Variants in ZFHX3 observed in about 807,000 individuals in gnomAD.
The protein encoded by ZFHX3 is zinc finger homeobox protein 3.
A neutral mutation model predicts 279.1 loss-of-function variants in ZFHX3; 42 were observed. The ratio of observed to expected loss-of-function variants is 0.15; its 90% confidence interval spans 0.12 to 0.19. The LOEUF is 0.19. Ranked by LOEUF, ZFHX3 falls within the 10% of genes least tolerant of loss-of-function variation. The pLI is 1.00. For missense variants in ZFHX3, 4,981 were observed against 4,754.0 expected, an observed-to-expected ratio of 1.05 and a Z score of -1.40; for synonymous variants, 2,293 against 1,957.8, an observed-to-expected ratio of 1.17 and a Z score of -4.52.
At chr16:73,495,943 T>G (rs1359831369) in intron 2 of ZFHX3, among the ~76,000 whole-genome samples, 1 of 152,262 alleles carries the variant, frequency 6.6e-6, no homozygotes, top group African/African-American at 2.4e-5. Context: ...TACATCACTT[T>G]TCATCACGGT....
rs372346824 is a variant in ZFHX3, at chr16:73,872,107, C to A, written c.-1608+19544G>T. ...TGGAATGTGAACCCTAATTAGTGAC[C>A]CAATAATCTCGAAAGCCAATAGGCA... On this transcript the variant is annotated intron_variant, in intron 1 of 17. Coordinates refer to the ZFHX3 transcript ENST00000641206. 2.5e-4 allele frequency among the ~76,000 whole-genome samples: 38 copies of A among 152,204 alleles called. No homozygotes were observed. In the East Asian group the frequency reaches 7.0e-3, roughly 28 times the overall value.
intron 2 of ZFHX3, among the ~76,000 whole-genome samples, chr16:73,653,494 G>T (rs2052691182): frequency 6.6e-6 from 1 of 152,066 alleles, no homozygotes; most frequent in Admixed American, 6.5e-5. Flanking sequence ...AAATAACTAT[G>T]GCTCAACAAA....
chr16:73,280,475 C>T (rs1338627457), intron 4 of ZFHX3, among the ~76,000 whole-genome samples: 3 of 152,038 alleles, frequency 2.0e-5, no homozygotes, highest in Non-Finnish European at 2.9e-5. Context: ...CCAAAGAAGA[C>T]ATACAAATAA....
At chr16:73,044,725 G>A (rs1381707546) in intron 1 of ZFHX3, among the ~76,000 whole-genome samples, 3 of 152,164 alleles carry the variant, frequency 2.0e-5, no homozygotes, top group South Asian at 2.1e-4. Context: ...AGATTCAAGC[G>A]ATTCTCCTGC....
chr16:73,028,589 G>A (rs1028237126), intron 1 of ZFHX3, among the ~76,000 whole-genome samples: 7 of 152,188 alleles, frequency 4.6e-5, no homozygotes, highest in Non-Finnish European at 8.8e-5. Context: ...GACAGGGGAC[G>A]ATTGTTAGAA....
chr16:73,339,234 C>T (rs2015983307), intron 3 of ZFHX3, among the ~76,000 whole-genome samples: 1 of 152,158 alleles, frequency 6.6e-6, no homozygotes, highest in African/African-American at 2.4e-5. Context: ...CTCCTGCCCT[C>T]CCAAAGCACT....
intron 1 of ZFHX3, among the ~76,000 whole-genome samples, chr16:73,798,767 C>T (rs572103180): frequency 2.0e-5 from 3 of 152,194 alleles, no homozygotes; most frequent in African/African-American, 4.8e-5. Context: ...CCACAGGGTG[C>T]TTAAGCCCTT....
rs538620615 is a variant in ZFHX3, at chr16:73,466,182, A to C, written c.-1546-9924T>G. Reference sequence around the variant, plus strand: ...GAAATCATTCTTTTCAATCGCATGAAAAAAAAAAATGCACCTAGGCCAGGC... The same window carrying C: ...GAAATCATTCTTTTCAATCGCATGACAAAAAAAAATGCACCTAGGCCAGGC... On this transcript the variant is annotated intron_variant, in intron 2 of 17. Transcript: ENST00000641206. Among the ~76,000 whole-genome samples the C allele has an allele frequency of 1.1e-3, 19 of 17,552 alleles. No homozygotes were observed. In the East Asian group the frequency reaches 0.016, roughly 15 times the overall value. The allele number at this position is 17,552 out of a possible 152,430, so 11.5% of individuals were successfully genotyped here.
intron 4 of ZFHX3, among the ~76,000 whole-genome samples, chr16:73,284,313 T>C (rs1369617681): frequency 6.0e-5 from 4 of 66,764 alleles, no homozygotes; most frequent in African/African-American, 2.0e-4. Flanking sequence ...TGAGACTCTG[T>C]CTCAAAAAAA....
chr16:73,757,962 A>G (rs1597097772), intron 1 of ZFHX3, among the ~76,000 whole-genome samples: 1 of 152,326 alleles, frequency 6.6e-6, no homozygotes, highest in East Asian at 1.9e-4. Context: ...TATTTCAGTA[A>G]AAATGCCTAA....
intron 2 of ZFHX3, among the ~76,000 whole-genome samples, chr16:73,506,692 G>T (rs528743294): frequency 6.6e-6 from 1 of 152,044 alleles, no homozygotes; most frequent in Non-Finnish European, 1.5e-5. Context: ...TTCTGCTTAG[G>T]TGCAATTTTA....
At chr16:73,508,047 C>T (rs180820500) in intron 2 of ZFHX3, among the ~76,000 whole-genome samples, 45 of 152,168 alleles carry the variant, frequency 3.0e-4, no homozygotes, top group African/African-American at 1.1e-3. Flanking sequence ...AGATGATTTC[C>T]CTCAAATGCT....
intron 1 of ZFHX3, among the ~76,000 whole-genome samples, chr16:73,756,290 G>C (rs1247055667): frequency 6.6e-6 from 1 of 152,048 alleles, no homozygotes; most frequent in Non-Finnish European, 1.5e-5. Flanking sequence ...TTGTTGGAGG[G>C]GTAGCATTTT....
intron 8 of ZFHX3, among the ~76,000 whole-genome samples, chr16:73,070,134 C>T (rs1965804179): frequency 1.3e-5 from 2 of 152,110 alleles, no homozygotes. Context: ...CTTTTTTCAA[C>T]TTCTTTTCTG....
chr16:72,846,272 G>A (rs1207089809), intron 4 of ZFHX3, among the ~76,000 whole-genome samples: 1 of 152,248 alleles, frequency 6.6e-6, no homozygotes, highest in African/African-American at 2.4e-5. Flanking sequence ...TTTGCACACA[G>A]ACCTGGAAGA....
At chr16:73,538,321 G>C (rs547353854) in intron 2 of ZFHX3, among the ~76,000 whole-genome samples, 30 of 151,960 alleles carry the variant, frequency 2.0e-4, no homozygotes, top group African/African-American at 6.8e-4. Context: ...TTTCACCAAA[G>C]GCTATTGAAA....
At chr16:73,868,927 T>C (rs1404632813) in intron 1 of ZFHX3, among the ~76,000 whole-genome samples, 4 of 152,198 alleles carry the variant, frequency 2.6e-5, no homozygotes, top group Non-Finnish European at 5.9e-5. Context: ...TTTTCATTCT[T>C]TCTCATGATT....
intron 1 of ZFHX3, among the ~76,000 whole-genome samples, chr16:72,990,427 C>T (rs116430716): frequency 0.014 from 2,097 of 152,278 alleles, 51 homozygotes; most frequent in African/African-American, 0.048. Flanking sequence ...CCCATCACCA[C>T]ATACTGATCT....
intron 1 of ZFHX3, among the ~76,000 whole-genome samples, chr16:73,830,251 C>T (rs546464044): frequency 8.4e-5 from 12 of 142,710 alleles, no homozygotes; most frequent in Admixed American, 3.5e-4. Flanking sequence ...CAATGCCTCG[C>T]CCTGCTTCGG....
Sources: gnomAD v4.1 joint callset for allele counts (sites outside exome capture counted in the v4.1 genomes callset) on GRCh38, gnomAD v4.1.1 for gene constraint, MANE v1.5 for transcripts, NCBI Gene and HGNC (gene_info 2026-07-23, HGNC 2026-07-21) for gene names.